Variants in OXR1 observed in about 807,000 individuals in gnomAD.
The protein encoded by OXR1 is oxidation resistance 1, also known as oxidation resistance protein 1.
A neutral mutation model predicts 104.6 loss-of-function variants in OXR1; 41 were observed. The observed-to-expected ratio is 0.39, with a 90% CI of 0.31 to 0.51. OXR1 has a LOEUF of 0.51. OXR1 is among the 20% of genes least tolerant of loss of function. The probability of loss-of-function intolerance (pLI) is 0.77; values close to 1 mark genes in which losing one functional copy is unlikely to be tolerated. For synonymous variants in OXR1, 348 were observed against 348.4 expected, an observed-to-expected ratio of 1.00 and a Z score of 0.01; for missense variants, 955 against 1,031.9, an observed-to-expected ratio of 0.93 and a Z score of 1.02.
chr8:106,516,500 T>C (rs1812869818), intron 2 of OXR1, among the ~76,000 whole-genome samples: 1 of 152,102 alleles, frequency 6.6e-6, no homozygotes, highest in East Asian at 1.9e-4. Context: ...GAACAGTTCA[T>C]TTCAGCTCAT....
intron 11 of OXR1, among the ~76,000 whole-genome samples, chr8:106,717,506 CCTGA>C (rs1206805304): frequency 2.0e-5 from 3 of 152,018 alleles, no homozygotes; most frequent in Non-Finnish European, 2.9e-5. Context: ...CTTTATTATC[CCTGA>C]CTGTTACTCA....
chr8:106,686,595 A>G (rs1012994238), intron 6 of OXR1, among the ~76,000 whole-genome samples: 4 of 152,188 alleles, frequency 2.6e-5, no homozygotes, highest in Non-Finnish European at 4.4e-5. Context: ...TTTATTAGAT[A>G]TAGTTTACAT....
chr8:106,571,756 C>G (rs1288387249), intron 3 of OXR1, among the ~76,000 whole-genome samples: 1 of 152,120 alleles, frequency 6.6e-6, no homozygotes, highest in African/African-American at 2.4e-5. Flanking sequence ...AGCTATAAAC[C>G]TGTGACACCA....
chr8:106,678,253 C>T (rs1326449755), intron 3 of OXR1, among the ~76,000 whole-genome samples: 2 of 151,968 alleles, frequency 1.3e-5, no homozygotes, highest in Non-Finnish European at 2.9e-5. Flanking sequence ...TCAACATAAA[C>T]TCTTGTATGG....
At chr8:106,500,445 A>G (rs1320574505) in intron 2 of OXR1, among the ~76,000 whole-genome samples, 4 of 152,242 alleles carry the variant, frequency 2.6e-5, no homozygotes, top group Non-Finnish European at 5.9e-5. Context: ...CCACTGGTGC[A>G]TGCAGCCCCT....
intron 2 of OXR1, among the ~76,000 whole-genome samples, chr8:106,475,602 C>G (rs561675929): frequency 2.3e-3 from 353 of 152,026 alleles, no homozygotes; most frequent in Admixed American, 4.2e-3. Flanking sequence ...CTGTACTGTA[C>G]CAATCCTTCT....
intron 3 of OXR1, among the ~76,000 whole-genome samples, chr8:106,534,033 G>A (rs1814295598): frequency 6.6e-6 from 1 of 151,968 alleles, no homozygotes; most frequent in African/African-American, 2.4e-5. Flanking sequence ...TTTATCAGAG[G>A]GACTCAGAGA....
chr8:106,604,837 AT>A (rs1820245351), intron 3 of OXR1: 1 of 152,186 alleles, frequency 6.6e-6, no homozygotes, highest in South Asian at 2.1e-4. Context: ...AGAAGGAAGC[AT>A]TTCAGAAATG....
chr8:106,662,330 T>C (rs1825845435), intron 3 of OXR1, among the ~76,000 whole-genome samples: 3 of 152,206 alleles, frequency 2.0e-5, no homozygotes, highest in African/African-American at 7.2e-5. Context: ...ATTTGACATG[T>C]CAAGGAAAAA....
intron 2 of OXR1, among the ~76,000 whole-genome samples, chr8:106,463,592 T>C (rs1353624575): frequency 6.6e-6 from 1 of 152,086 alleles, no homozygotes; most frequent in African/African-American, 2.4e-5. Context: ...GGCTGAGCAA[T>C]GTATCTCTGC....
chr8:106,375,743 A>G (rs1178582493), intron 2 of OXR1, among the ~76,000 whole-genome samples: 1 of 152,206 alleles, frequency 6.6e-6, no homozygotes, highest in Non-Finnish European at 1.5e-5. Context: ...GAGTGTGTAT[A>G]CAATATTGGT....
At chr8:106,344,366 C>T (rs1815390559) in intron 1 of OXR1, among the ~76,000 whole-genome samples, 1 of 152,194 alleles carries the variant, frequency 6.6e-6, no homozygotes, top group African/African-American at 2.4e-5. Context: ...GAGACGGTGT[C>T]TCGCTCTGTC....
At chr8:106,727,023 C>A (rs28924680) in intron 11 of OXR1, among the ~76,000 whole-genome samples, 5,527 of 152,058 alleles carry the variant, frequency 0.036, 133 homozygotes, top group Non-Finnish European at 0.053. Context: ...AGCAGCTTGC[C>A]GCCCTTAAAT....
At chr8:106,461,195 C>T (rs1030872815) in intron 2 of OXR1, among the ~76,000 whole-genome samples, 1 of 152,036 alleles carries the variant, frequency 6.6e-6, no homozygotes, top group African/African-American at 2.4e-5. Context: ...TTCTCAAATT[C>T]AGATCTGGCT....
chr8:106,572,864 C>T (rs960573823), intron 3 of OXR1, among the ~76,000 whole-genome samples: 3 of 152,096 alleles, frequency 2.0e-5, no homozygotes, highest in Non-Finnish European at 4.4e-5. Context: ...AGTACAGAAT[C>T]TATTATAAGG....
chr8:106,390,563 A>G (rs1253828708), intron 2 of OXR1, among the ~76,000 whole-genome samples: 2 of 152,200 alleles, frequency 1.3e-5, no homozygotes, highest in Admixed American at 1.3e-4. Flanking sequence ...AAGTATCAGA[A>G]CAACGCTTCA....
intron 11 of OXR1, chr8:106,726,443 A>T: frequency 1.9e-6 from 1 of 527,820 alleles, no homozygotes; most frequent in Non-Finnish European, 3.2e-6. Context: ...GATTGTACAA[A>T]GTACCTTGAA....
chr8:106,358,328 C>T (rs72678539), intron 1 of OXR1, among the ~76,000 whole-genome samples: 1 of 152,214 alleles, frequency 6.6e-6, no homozygotes, highest in Non-Finnish European at 1.5e-5. Context: ...TATTTAGTGG[C>T]TTTTTCTTAA....
intron 15 of OXR1, among the ~76,000 whole-genome samples, chr8:106,744,935 A>G (rs1835256228): frequency 6.6e-6 from 1 of 152,182 alleles, no homozygotes; most frequent in Non-Finnish European, 1.5e-5. Flanking sequence ...CATTCCTTCC[A>G]TAAAATATGT....
Sources: gnomAD v4.1 joint callset for allele counts (sites outside exome capture counted in the v4.1 genomes callset) on GRCh38, gnomAD v4.1.1 for gene constraint, MANE v1.5 for transcripts, NCBI Gene and HGNC (gene_info 2026-07-23, HGNC 2026-07-21) for gene names.